Variants in PPFIBP1 observed in about 807,000 individuals in gnomAD.
The protein encoded by PPFIBP1 is PPFIB scaffold protein 1, also known as liprin-beta-1.
In PPFIBP1, 112 loss-of-function variants were observed where a neutral mutation model predicts 137.8. That is an observed-to-expected ratio of 0.81 (90% CI 0.70 to 0.95). PPFIBP1 has a LOEUF of 0.95. PPFIBP1 is among the 40% of genes least tolerant of loss of function. The pLI is 0.00. For synonymous variants in PPFIBP1, 378 were observed against 417.3 expected, an observed-to-expected ratio of 0.91 and a Z score of 1.15; for missense variants, 1,083 against 1,196.6, an observed-to-expected ratio of 0.91 and a Z score of 1.40.
chr12:27,587,934 T>C (rs1390325919), intron 2 of PPFIBP1, among the ~76,000 whole-genome samples: 1 of 152,204 alleles, frequency 6.6e-6, no homozygotes, highest in Non-Finnish European at 1.5e-5. Context: ...CAAATAGCAA[T>C]TGGTTGTCAT....
intron 2 of PPFIBP1, among the ~76,000 whole-genome samples, chr12:27,582,670 A>G (rs2051260245): frequency 6.6e-6 from 1 of 152,190 alleles, no homozygotes; most frequent in Non-Finnish European, 1.5e-5. Context: ...GAGCTGCTTC[A>G]GCCAAGAGGA....
At chr12:27,602,540 G>A (rs1270383512) in intron 2 of PPFIBP1, among the ~76,000 whole-genome samples, 2 of 152,188 alleles carry the variant, frequency 1.3e-5, no homozygotes, top group Admixed American at 6.5e-5. Context: ...TTTGAAAGAC[G>A]TAGACAACTG....
chr12:27,550,187 C>CT (rs1946621343), intron 1 of PPFIBP1, among the ~76,000 whole-genome samples: 1 of 152,250 alleles, frequency 6.6e-6, no homozygotes, highest in African/African-American at 2.4e-5. Context: ...GAGCTGGACT[C>CT]TATCAGTGGC....
In PPFIBP1 at chr12:27,583,355, G is replaced by A. The variant is rs911285415; in HGVS notation, c.-36+5116G>A. Among the ~76,000 whole-genome samples the A allele has an allele frequency of 3.9e-5, 6 of 152,190 alleles. No homozygotes were observed. The East Asian group carries it at 9.6e-4, about 24-fold the overall frequency. On this transcript the variant is annotated intron_variant, in intron 2 of 29. Transcript: ENST00000228425. ...GCTAGCTTCCAATACATTGAAGTCC[G>A]GAAGTTGTTTTCCTGCTCAAGGAGG...
Position 27,687,435 on chromosome 12 carries a change from C to T in PPFIBP1, c.2298C>T (p.Ile766=). 1 of 1,614,070 alleles carries T rather than the reference C, an allele frequency of 6.2e-7. No individual in the cohort carries two copies. The highest frequency in any genetic ancestry group is 1.7e-5 in the Admixed American group (1 of 60,026). ...TAAGTGTGCTACACCATCTCAGTAT[C>T]AAAAGGGCCATCCAGGTCCTGAGGA... ...KVVSVLHHLS[I]KRAIQVLRIN... The change falls in exon 25 of 30, where the codon ATC becomes ATT. Residue 766 remains isoleucine, a synonymous_variant. Transcript: ENST00000228425.
At chr12:27,649,427 C>G (rs1368684979) in intron 6 of PPFIBP1, among the ~76,000 whole-genome samples, 1 of 152,174 alleles carries the variant, frequency 6.6e-6, no homozygotes, top group East Asian at 1.9e-4. Flanking sequence ...ATGTTATCAT[C>G]AGACTGAAGT....
intron 10 of PPFIBP1, among the ~76,000 whole-genome samples, chr12:27,659,542 C>A (rs1419605138): frequency 1.3e-5 from 2 of 151,854 alleles, no homozygotes; most frequent in African/African-American, 4.8e-5. Flanking sequence ...GAGCCCCAGG[C>A]ATCTAGGAGT....
At chr12:27,549,920 C>G (rs938659847) in intron 1 of PPFIBP1, among the ~76,000 whole-genome samples, 1 of 152,138 alleles carries the variant, frequency 6.6e-6, no homozygotes, top group Non-Finnish European at 1.5e-5. Flanking sequence ...TCGCCTCTTT[C>G]GTAAGCTGAT....
At chr12:27,574,275 G>C (rs150259024) in intron 1 of PPFIBP1, among the ~76,000 whole-genome samples, 4 of 152,214 alleles carry the variant, frequency 2.6e-5, no homozygotes, top group East Asian at 3.9e-4. Flanking sequence ...CAATCTTTCC[G>C]TAAAGTCTGT....
intron 1 of PPFIBP1, among the ~76,000 whole-genome samples, chr12:27,546,184 C>A (rs544635858): frequency 6.6e-6 from 1 of 152,046 alleles, no homozygotes; most frequent in East Asian, 1.9e-4. Context: ...AGATAAGTTG[C>A]GAATTGGCAG....
At chr12:27,627,552 C>A (rs2056921780) in intron 2 of PPFIBP1, among the ~76,000 whole-genome samples, 1 of 152,186 alleles carries the variant, frequency 6.6e-6, no homozygotes, top group African/African-American at 2.4e-5. Context: ...AAAGCTAGGA[C>A]AAATGTTATT....
chr12:27,674,035 A>C (rs768992833), intron 16 of PPFIBP1, among the ~76,000 whole-genome samples, 157 bp from the exon 17 acceptor site: 1 of 152,190 alleles, frequency 6.6e-6, no homozygotes, highest in Non-Finnish European at 1.5e-5. Context: ...AAAAATGGAG[A>C]CTTTAATAAA....
chr12:27,630,664 G>T (rs1233176597), intron 2 of PPFIBP1, among the ~76,000 whole-genome samples: 2 of 152,084 alleles, frequency 1.3e-5, no homozygotes, highest in African/African-American at 4.8e-5. Flanking sequence ...GGTACAAGTG[G>T]TTTTCAGTTA....
At chr12:27,639,795 A>G (rs1466288172) in intron 4 of PPFIBP1, among the ~76,000 whole-genome samples, 1 of 152,220 alleles carries the variant, frequency 6.6e-6, no homozygotes, top group Non-Finnish European at 1.5e-5. Flanking sequence ...AAAAGTTGCT[A>G]TAAAAATAAA....
Position 27,678,763 on chromosome 12 carries a change from C to T in PPFIBP1, c.1616-726C>T, listed in dbSNP as rs541633729. Among the ~76,000 whole-genome samples the T allele has an allele frequency of 6.2e-5, 9 of 145,050 alleles. No homozygotes were observed. In the South Asian group the frequency reaches 1.9e-3, roughly 31 times the overall value. Reference sequence around the variant, plus strand: ...ATCCCAGCTACCTGGGACACTGAGGCAGAGAATTGCTTGAACCCAGTAGGC... The same window carrying T: ...ATCCCAGCTACCTGGGACACTGAGGTAGAGAATTGCTTGAACCCAGTAGGC... On this transcript the variant is annotated intron_variant, in intron 19 of 29. Transcript: ENST00000228425.
In PPFIBP1 at chr12:27,693,777, G is replaced by A. The variant is rs1289834743; in HGVS notation, c.*895G>A. ...GGCTCACTGCAACCTCCACCTCCTG[G>A]GTCAAGCCATTCTGCTTCAGCCCCA... On this transcript the variant is annotated 3_prime_UTR_variant, in exon 30 of 30. Transcript: ENST00000228425. The A allele has an allele frequency of 3.9e-5, 6 of 151,982 alleles. No individual in the cohort carries two copies. Among genetic ancestry groups the A allele is most frequent in the Non-Finnish European group, 8.8e-5 (6 of 68,026 alleles). 9.4% of individuals were successfully genotyped at this position (151,982 alleles called of 1,614,324 possible).
chr12:27,673,846 GTTT>G lies in PPFIBP1; in HGVS notation c.1380+26_1380+28del. ...TGATGGGGTGGGTTCTGTGTTTTTT[GTTT>G]TTTTTTGTCTGTTATCCTGAGAAAA... On this transcript the variant is annotated intron_variant, in intron 16 of 29. Transcript: ENST00000228425. 6.3e-7 allele frequency: 1 copy of G among 1,583,074 alleles called. No individual in the cohort carries two copies. The highest frequency in any genetic ancestry group is 8.7e-7 in the Non-Finnish European group (1 of 1,155,436).
chr12:27,649,988 T>C, intron 6 of PPFIBP1, 22 bp from the exon 7 acceptor site: 1 of 1,589,604 alleles, frequency 6.3e-7, no homozygotes, highest in African/African-American at 1.3e-5. Context: ...ACTTCTTGAA[T>C]GTATCTGTTA....
chr12:27,619,216 T>C (rs1202780642), intron 2 of PPFIBP1, among the ~76,000 whole-genome samples: 4 of 152,128 alleles, frequency 2.6e-5, no homozygotes, highest in Admixed American at 6.6e-5. Context: ...GTCCCTGATA[T>C]AAAATGGCAT....
Sources: gnomAD v4.1 joint callset for allele counts (sites outside exome capture counted in the v4.1 genomes callset) on GRCh38, gnomAD v4.1.1 for gene constraint, MANE v1.5 for transcripts, NCBI Gene and HGNC (gene_info 2026-07-23, HGNC 2026-07-21) for gene names.